Variants in RSU1 observed in about 807,000 individuals in gnomAD.
The protein encoded by RSU1 is Ras suppressor protein 1, also known as rsu-1.
A neutral mutation model predicts 31.1 loss-of-function variants in RSU1; 26 were observed. The ratio of observed to expected loss-of-function variants is 0.84; its 90% confidence interval spans 0.61 to 1.16. The LOEUF (loss-of-function observed/expected upper bound fraction) is 1.16, where lower values mean the gene tolerates loss of function less well. Ranked by LOEUF, RSU1 falls within the 50% of genes most tolerant of loss-of-function variation. The probability of loss-of-function intolerance (pLI) is 0.00; values close to 1 mark genes in which losing one functional copy is unlikely to be tolerated. For missense variants in RSU1, 320 were observed against 339.1 expected (o/e 0.94, Z 0.44); for synonymous variants, 164 against 136.3 (o/e 1.20, Z -1.41).
intron 2 of RSU1, among the ~76,000 whole-genome samples, chr10:16,815,240 A>C (rs1838503940): frequency 6.6e-6 from 1 of 152,266 alleles, no homozygotes; most frequent in South Asian, 2.1e-4. Flanking sequence ...CAAGCCTGAG[A>C]GGCTAACTAG....
chr10:16,629,211 C>A (rs534973749), intron 8 of RSU1, among the ~76,000 whole-genome samples: 3 of 152,240 alleles, frequency 2.0e-5, no homozygotes, highest in African/African-American at 7.2e-5. Flanking sequence ...GGGGTGGGGC[C>A]TCAGACTCTG....
At chr10:16,776,942 A>C (rs1025192258) in intron 3 of RSU1, among the ~76,000 whole-genome samples, 33 of 151,370 alleles carry the variant, frequency 2.2e-4, no homozygotes, top group Non-Finnish European at 2.9e-4. Context: ...TTTTTGAGAT[A>C]GGGTCTTGCC....
At chr10:16,794,338 T>C (rs569006970) in intron 2 of RSU1, among the ~76,000 whole-genome samples, 1 of 152,330 alleles carries the variant, frequency 6.6e-6, no homozygotes, top group East Asian at 1.9e-4. Context: ...CTAAGGTGCT[T>C]TGAAACTCCC....
chr10:16,645,901 CACATAT>C (rs1834537684), intron 8 of RSU1, among the ~76,000 whole-genome samples: 1 of 50,598 alleles, frequency 2.0e-5, no homozygotes, highest in Non-Finnish European at 3.3e-5. Flanking sequence ...TATGTATATA[CACATAT>C]ATGTATATAT....
chr10:16,735,527 T>C (rs1048709345), intron 7 of RSU1, among the ~76,000 whole-genome samples: 4 of 152,226 alleles, frequency 2.6e-5, no homozygotes, highest in African/African-American at 7.2e-5. Flanking sequence ...TGCTTCTAGA[T>C]ATTGGGCAAT....
chr10:16,723,039 T>C (rs1188164302), intron 7 of RSU1: 5 of 151,026 alleles, frequency 3.3e-5, no homozygotes, highest in Non-Finnish European at 7.4e-5. Context: ...TATATGTATA[T>C]AGACATACAT....
intron 8 of RSU1, among the ~76,000 whole-genome samples, chr10:16,655,067 AAAAAAAAAGAGAG>A (rs1258100793): frequency 1.5e-5 from 2 of 129,504 alleles, no homozygotes; most frequent in Non-Finnish European, 3.3e-5. Context: ...AAAAAAAAAA[AAAAAAAAAGAGAG>A]AGAGAGAGAG....
intron 8 of RSU1, among the ~76,000 whole-genome samples, chr10:16,682,543 C>CACACACACAT (rs1259369345): frequency 6.8e-6 from 1 of 147,158 alleles, no homozygotes; most frequent in Non-Finnish European, 1.5e-5. Flanking sequence ...CATACACACA[C>CACACACACAT]ACACACACAC....
intron 7 of RSU1, among the ~76,000 whole-genome samples, chr10:16,722,833 CATATATGTATATATACACACATATAT>C (rs1836295218): frequency 8.5e-6 from 1 of 118,006 alleles, no homozygotes; most frequent in African/African-American, 2.9e-5. Flanking sequence ...TATACAGCCA[CATATATGTATATATACACACATATAT>C]ACATATATGT....
chr10:16,801,939 G>A lies in RSU1; in HGVS notation c.109+15034C>T, dbSNP rs999276918. ...TTACAAAACAAGACAGTTCTATTAG[G>A]TTGGTGCAAAAGTAATGGCAAAACG... On this transcript the variant is annotated intron_variant, in intron 2 of 8. Transcript: ENST00000345264. Among the ~76,000 whole-genome samples, 50 of 151,964 alleles carry A rather than the reference G, an allele frequency of 3.3e-4. 3 individuals carry two copies.
At chr10:16,600,424 T>C (rs904825799) in intron 8 of RSU1, among the ~76,000 whole-genome samples, 1 of 152,146 alleles carries the variant, frequency 6.6e-6, no homozygotes, top group Non-Finnish European at 1.5e-5. Flanking sequence ...TCCGTGCAAC[T>C]GACCACTACC....
chr10:16,787,990 T>C (rs948382781), intron 2 of RSU1, among the ~76,000 whole-genome samples: 1 of 152,244 alleles, frequency 6.6e-6, no homozygotes, highest in Admixed American at 6.5e-5. Context: ...TAAGATTTTA[T>C]ACGCTGCAGA....
chr10:16,603,759 T>C (rs1833750957), intron 8 of RSU1, among the ~76,000 whole-genome samples: 1 of 152,238 alleles, frequency 6.6e-6, no homozygotes, highest in Non-Finnish European at 1.5e-5. Context: ...ATTTCTTTTA[T>C]TTATGAAAAG....
At chr10:16,635,631 T>C (rs972765048) in intron 8 of RSU1, among the ~76,000 whole-genome samples, 2 of 152,222 alleles carry the variant, frequency 1.3e-5, no homozygotes, top group African/African-American at 4.8e-5. Flanking sequence ...TCCTACCTCA[T>C]TGTCCCCACT....
chr10:16,669,025 T>C (rs1835053426), intron 8 of RSU1, among the ~76,000 whole-genome samples: 1 of 152,220 alleles, frequency 6.6e-6, no homozygotes, highest in South Asian at 2.1e-4. Flanking sequence ...CTGTTGTGCT[T>C]TCTGTAGCGG....
chr10:16,705,380 C>A (rs1428733636), intron 7 of RSU1, among the ~76,000 whole-genome samples: 1 of 152,050 alleles, frequency 6.6e-6, no homozygotes, highest in East Asian at 1.9e-4. Flanking sequence ...TAAATAATCT[C>A]TACATTATTT....
At chr10:16,661,287 C>CGT (rs56675037) in intron 8 of RSU1, among the ~76,000 whole-genome samples, 13,564 of 132,734 alleles carry the variant, frequency 0.1, 693 homozygotes, top group East Asian at 0.22. Flanking sequence ...GTAGAGAGTG[C>CGT]GTGTGTGTGT....
chr10:16,702,825 G>A (rs1285153500), intron 7 of RSU1, among the ~76,000 whole-genome samples: 1 of 152,210 alleles, frequency 6.6e-6, no homozygotes, highest in African/African-American at 2.4e-5. Context: ...ATTTTGCAAT[G>A]TAAGAAGAAT....
chr10:16,623,394 G>A (rs1400764907), intron 8 of RSU1, among the ~76,000 whole-genome samples: 1 of 152,154 alleles, frequency 6.6e-6, no homozygotes, highest in Admixed American at 6.5e-5. Context: ...AGTATTCAGT[G>A]GTATATATGC....
Sources: gnomAD v4.1 joint callset for allele counts (sites outside exome capture counted in the v4.1 genomes callset) on GRCh38, gnomAD v4.1.1 for gene constraint, MANE v1.5 for transcripts, NCBI Gene and HGNC (gene_info 2026-07-23, HGNC 2026-07-21) for gene names.